TTC39B: variants seen among roughly 807,000 people sequenced by gnomAD.
TTC39B encodes tetratricopeptide repeat domain 39B.
In TTC39B, 92 loss-of-function variants were observed where a neutral mutation model predicts 96.6. That is an observed-to-expected ratio of 0.95 (90% CI 0.80 to 1.13). TTC39B has a LOEUF of 1.13. Ranked by LOEUF, TTC39B falls within the 50% of genes most tolerant of loss-of-function variation. TTC39B has a pLI of 0.00. For missense variants in TTC39B, 955 were observed against 809.3 expected (o/e 1.18, Z -2.18); for synonymous variants, 367 against 299.4 (o/e 1.23, Z -2.33).
intron 2 of TTC39B, among the ~76,000 whole-genome samples, chr9:15,256,822 A>G (rs984724065): frequency 2.0e-5 from 3 of 152,162 alleles, no homozygotes; most frequent in South Asian, 4.1e-4. Flanking sequence ...GTCATGCATG[A>G]GGGCAAGAGT....
rs531122362 is a variant in TTC39B, at chr9:15,232,620, A to G, written c.276-6608T>C. Among the ~76,000 whole-genome samples the G allele has an allele frequency of 4.6e-5, 7 of 152,336 alleles. No individual in the cohort carries two copies. The South Asian group carries it at 6.2e-4, about 14-fold the overall frequency. On this transcript the variant is annotated intron_variant, in intron 2 of 19. Coordinates refer to ENST00000512701, the Ensembl canonical transcript of TTC39B. ...AAGAAAAGGTTGAAAACTCAACACA[A>G]TGAAACCAAGAAAGTAATCCAAGAA...
Position 15,218,776 on chromosome 9 carries a change from G to C in TTC39B, c.372-4527C>G, listed in dbSNP as rs578226507. Reference sequence around the variant, plus strand: ...AACTTCATAGTAAATGAGCATCTGGGCTCTGGAATCAGATCCTTTTATTCA... The same window carrying C: ...AACTTCATAGTAAATGAGCATCTGGCCTCTGGAATCAGATCCTTTTATTCA... On this transcript the variant is annotated intron_variant, in intron 3 of 19. Coordinates refer to ENST00000512701, the Ensembl canonical transcript of TTC39B. Among the ~76,000 whole-genome samples the C allele has an allele frequency of 4.6e-5, 7 of 152,028 alleles. No homozygotes were observed. The South Asian group carries it at 1.5e-3, about 32-fold the overall frequency.
intron 13 of TTC39B, among the ~76,000 whole-genome samples, chr9:15,188,787 A>T (rs935632017): frequency 6.6e-6 from 1 of 152,212 alleles, no homozygotes; most frequent in Non-Finnish European, 1.5e-5. Flanking sequence ...TGAGGAGGAC[A>T]ATTTGGCTGG....
chr9:15,199,046 T>G (rs1819354732), intron 8 of TTC39B, among the ~76,000 whole-genome samples: 1 of 152,184 alleles, frequency 6.6e-6, no homozygotes, highest in South Asian at 2.1e-4. Flanking sequence ...CCTAAATATA[T>G]GAGGCAAACA....
chr9:15,211,594 A>G (rs1233687989), intron 4 of TTC39B, among the ~76,000 whole-genome samples, 197 bp from the exon 5 acceptor site: 1 of 152,242 alleles, frequency 6.6e-6, no homozygotes, highest in East Asian at 1.9e-4. Flanking sequence ...CCACACAGGC[A>G]GAACAAAATG....
intron 2 of TTC39B, among the ~76,000 whole-genome samples, chr9:15,233,241 C>T (rs1821530986): frequency 6.6e-6 from 1 of 152,156 alleles, no homozygotes. Flanking sequence ...GCCAACATTC[C>T]CAATGATCCG....
intron 8 of TTC39B, among the ~76,000 whole-genome samples, chr9:15,195,222 A>G (rs967789562): frequency 5.3e-5 from 8 of 152,178 alleles, no homozygotes; most frequent in African/African-American, 1.9e-4. Context: ...AGAACAAACC[A>G]CCCACAACAC....
At position 15,214,255 on chromosome 9, in the gene TTC39B, G is replaced by T; in HGVS notation, c.372-6C>A. Reference sequence around the variant, plus strand: ...CCACCTTGGTTGATGATGAACTAAAGATCAAGAAAAAAGCACAGAGAATTT... The same window carrying T: ...CCACCTTGGTTGATGATGAACTAAATATCAAGAAAAAAGCACAGAGAATTT... On this transcript the variant is annotated splice_polypyrimidine_tract_variant and splice_region_variant and intron_variant, in intron 3 of 19. Transcript: ENST00000512701. 2 of 1,608,550 alleles carry T rather than the reference G, an allele frequency of 1.2e-6. No homozygotes were observed. Among genetic ancestry groups the T allele is most frequent in the South Asian group, 1.1e-5 (1 of 90,894 alleles).
chr9:15,288,873 T>C (rs914865375), intron 1 of TTC39B, among the ~76,000 whole-genome samples: 3 of 152,202 alleles, frequency 2.0e-5, no homozygotes, highest in African/African-American at 7.2e-5. Flanking sequence ...GGTTTGAGCA[T>C]GCATGGCAGC....
chr9:15,172,422 G>C (rs565868250), intron 19 of TTC39B, among the ~76,000 whole-genome samples: 22 of 152,220 alleles, frequency 1.4e-4, no homozygotes, highest in African/African-American at 5.3e-4. Context: ...TTGTGAACTA[G>C]TCCTAAATAA....
rs117998585 is a variant in TTC39B, at chr9:15,201,928, A to G, written c.759+1895T>C. Among the ~76,000 whole-genome samples, 123 of 152,344 alleles carry G rather than the reference A, an allele frequency of 8.1e-4. 4 individuals carry two copies. The East Asian group carries it at 0.023, about 28-fold the overall frequency. On this transcript the variant is annotated intron_variant, in intron 7 of 19. Coordinates refer to ENST00000512701, the Ensembl canonical transcript of TTC39B. Reference sequence around the variant, plus strand: ...AGACTCATTTTTAAGAGGTTACTCAACCCTCAACTGCAGAATAGGGAATGA... The same window carrying G: ...AGACTCATTTTTAAGAGGTTACTCAGCCCTCAACTGCAGAATAGGGAATGA...
chr9:15,281,882 T>G (rs1169776087), intron 1 of TTC39B, among the ~76,000 whole-genome samples: 1 of 152,140 alleles, frequency 6.6e-6, no homozygotes, highest in Non-Finnish European at 1.5e-5. Flanking sequence ...TTCACTATGT[T>G]GGTCAGGCTG....
chr9:15,183,926 G>A (rs763112938), intron 16 of TTC39B, among the ~76,000 whole-genome samples: 1 of 152,176 alleles, frequency 6.6e-6, no homozygotes, highest in African/African-American at 2.4e-5. Context: ...CTGAGTTTGT[G>A]TTAGGTAGGA....
chr9:15,172,239 T>A, intron 19 of TTC39B, 130 bp from the exon 20 acceptor site: 2 of 494,992 alleles, frequency 4.0e-6, no homozygotes, highest in Non-Finnish European at 6.7e-6. Context: ...TAGATCTTAG[T>A]AAAATGCAGA....
intron 8 of TTC39B, among the ~76,000 whole-genome samples, chr9:15,194,564 T>C (rs548712977): frequency 6.6e-6 from 1 of 152,346 alleles, no homozygotes; most frequent in African/African-American, 2.4e-5. Flanking sequence ...CTGCAATTTG[T>C]GGATACTGCA....
chr9:15,166,460 T>A (rs1817518737), exon 20 of TTC39B: 1 of 152,236 alleles, frequency 6.6e-6, no homozygotes, highest in Non-Finnish European at 1.5e-5. Flanking sequence ...AGTCCTTGCA[T>A]CATTTCTTTC....
Position 15,261,685 on chromosome 9 carries a change from A to G in TTC39B, c.275+6229T>C, listed in dbSNP as rs73646022. ...ACCTCTGACCCTCTGCACTGCCTCT[A>G]CCAACTGAAATGCCACCCATCCCTC... On this transcript the variant is annotated intron_variant, in intron 2 of 19. Coordinates refer to ENST00000512701, the Ensembl canonical transcript of TTC39B. Among the ~76,000 whole-genome samples the G allele has an allele frequency of 1.3e-3, 198 of 152,212 alleles. 1 individual carries two copies. Among genetic ancestry groups the G allele is most frequent in the African/African-American group, 4.6e-3 (189 of 41,528 alleles).
chr9:15,236,099 C>T (rs543388942), intron 2 of TTC39B, among the ~76,000 whole-genome samples: 18 of 152,192 alleles, frequency 1.2e-4, no homozygotes, highest in South Asian at 4.2e-4. Flanking sequence ...AGATACCTTT[C>T]GACTCAAAGT....
chr9:15,230,361 A>G (rs918937264), intron 2 of TTC39B, among the ~76,000 whole-genome samples: 1 of 152,174 alleles, frequency 6.6e-6, no homozygotes, highest in Non-Finnish European at 1.5e-5. Flanking sequence ...ATGTATCCAT[A>G]TATTAGCAGT....
Sources: allele counts gnomAD v4.1 joint callset (sites outside exome capture counted in the v4.1 genomes callset), GRCh38; gene constraint gnomAD v4.1.1; transcripts MANE v1.5; gene names NCBI Gene and HGNC (gene_info 2026-07-23, HGNC 2026-07-21).